GIPC2: variants seen among roughly 807,000 people sequenced by gnomAD.
GIPC2 encodes PDZ domain-containing protein GIPC2.
A neutral mutation model predicts 30.6 loss-of-function variants in GIPC2; 30 were observed. The ratio of observed to expected loss-of-function variants is 0.98; its 90% CI spans 0.73 to 1.33. The LOEUF is 1.33. Ranked by LOEUF, GIPC2 falls within the 40% of genes most tolerant of loss-of-function variation. The pLI, the probability that GIPC2 is intolerant of heterozygous loss-of-function variation, is 0.00. For missense variants in GIPC2, 414 were observed against 390.3 expected (o/e 1.06, Z -0.51); for synonymous variants, 167 against 150.0 (o/e 1.11, Z -0.83).
intron 3 of GIPC2, among the ~76,000 whole-genome samples, chr1:78,107,146 CT>C (rs1335621309): frequency 1.3e-5 from 2 of 149,646 alleles, no homozygotes; most frequent in Admixed American, 6.7e-5. Flanking sequence ...CCTTCCCTCT[CT>C]CCCTTGCTCT....
At chr1:78,132,665 ATGTG>A (rs61463492) in intron 5 of GIPC2, among the ~76,000 whole-genome samples, 102 of 142,712 alleles carry the variant, frequency 7.1e-4, no homozygotes, top group Admixed American at 1.7e-3. Context: ...ATAGCCAAGG[ATGTG>A]TGTGTGTGTG....
At chr1:78,054,115 T>G (rs1370856017) in intron 1 of GIPC2, among the ~76,000 whole-genome samples, 4 of 152,234 alleles carry the variant, frequency 2.6e-5, no homozygotes, top group African/African-American at 9.6e-5. Context: ...TTTCTCATGC[T>G]GTTCTTTGTT....
At chr1:78,112,337 G>A (rs1662480470) in intron 3 of GIPC2, among the ~76,000 whole-genome samples, 1 of 152,130 alleles carries the variant, frequency 6.6e-6, no homozygotes, top group South Asian at 2.1e-4. Context: ...GGCTTCACAT[G>A]TGCTCCAAGG....
intron 3 of GIPC2, among the ~76,000 whole-genome samples, chr1:78,108,553 A>G (rs1223008652): frequency 3.3e-5 from 5 of 152,194 alleles, no homozygotes; most frequent in Admixed American, 6.5e-5. Flanking sequence ...TGGCATCAGT[A>G]TATGCCTCCT....
intron 3 of GIPC2, among the ~76,000 whole-genome samples, chr1:78,109,850 T>C (rs1571515371): frequency 6.6e-6 from 1 of 152,200 alleles, no homozygotes; most frequent in Non-Finnish European, 1.5e-5. Context: ...TGGAATACTA[T>C]GCAGCCATAA....
rs769212016 is a variant in GIPC2, at chr1:78,095,080, A to G, written c.555A>G (p.Leu185=). The part of the protein sequence containing the change: ...HYDVAKKLKE[L]KKEELFTMKL... The stretch of plus-strand genomic sequence containing the variant: ...ATGTTGCTAAGAAGTTAAAGGAATT[A>G]AAAAAGGAGGAACTCTTTACTATGA... Residue 185 remains leucine (L), a synonymous_variant, in exon 3 of 6, where the codon TTA becomes TTG. Transcript: ENST00000370759. The G allele has an allele frequency of 4.3e-6, 7 of 1,612,268 alleles. No homozygotes were observed.
At chr1:78,127,601 A>G (rs1056468242) in intron 5 of GIPC2, among the ~76,000 whole-genome samples, 1 of 152,236 alleles carries the variant, frequency 6.6e-6, no homozygotes, top group African/African-American at 2.4e-5. Flanking sequence ...TGTTAGGCCT[A>G]GTATAGGAGC....
In GIPC2 at chr1:78,138,399, A is replaced by G. The variant is rs1663044799; in HGVS notation, c.*2656A>G. The stretch of plus-strand genomic sequence containing the variant: ...TTTTTCAAATGATGTATAATTTGCA[A>G]TATTTTCCCTTGCAACTTTAGCAAA... On this transcript the variant is annotated 3_prime_UTR_variant, in exon 6 of 6. Coordinates refer to ENST00000370759, the MANE Select transcript of GIPC2 (RefSeq NM_017655.6). 3 of 152,234 alleles carry G rather than the reference A, an allele frequency of 2.0e-5. No homozygotes were observed. The highest frequency in any genetic ancestry group is 2.1e-4 in the South Asian group (1 of 4,836). 9.4% of individuals were successfully genotyped at this position (152,234 alleles called of 1,614,324 possible).
intron 3 of GIPC2, among the ~76,000 whole-genome samples, chr1:78,114,766 AAC>A (rs1291867327): frequency 6.6e-6 from 1 of 152,218 alleles, no homozygotes; most frequent in Non-Finnish European, 1.5e-5. Context: ...TAGAATGTGT[AAC>A]ACCAAGAGTG....
At chr1:78,091,903 A>G (rs1315341017) in intron 2 of GIPC2, 2 of 803,750 alleles carry the variant, frequency 2.5e-6, no homozygotes, top group Non-Finnish European at 4.5e-6. Flanking sequence ...AAGCTACAAC[A>G]TTTTCCATTT....
At chr1:78,115,165 T>A (rs1292533302) in intron 3 of GIPC2, among the ~76,000 whole-genome samples, 1 of 151,504 alleles carries the variant, frequency 6.6e-6, no homozygotes, top group East Asian at 1.9e-4. Context: ...CCCAGAAACC[T>A]TTTTATTTTT....
rs1406652048 is a variant in GIPC2 at position 78,119,417 on chromosome 1, G to C, written c.632G>C (p.Gly211Ala). The C allele has an allele frequency of 6.2e-7, 1 of 1,610,192 alleles. No homozygotes were observed. The highest frequency in any genetic ancestry group is 2.2e-5 in the East Asian group (1 of 44,822). The change falls in exon 4 of 6, where the codon GGA (glycine) becomes GCA (alanine). Residue 211 changes from glycine to alanine, a missense_variant. Gly to Ala is a moderately conservative substitution (Grantham distance 60). Transcript: ENST00000370759. Reference protein sequence around the residue: ...AFEIELRSKAGKSSGEKIGCG... With the variant: ...AFEIELRSKAAKSSGEKIGCG... Reference sequence around the variant, plus strand: ...GAAATAGAGCTGAGGTCAAAGGCTGGAAAGTCATCAGGAGAAAAAATTGGT... The same window carrying C: ...GAAATAGAGCTGAGGTCAAAGGCTGCAAAGTCATCAGGAGAAAAAATTGGT...
intron 3 of GIPC2, among the ~76,000 whole-genome samples, chr1:78,103,375 C>G (rs1005598003): frequency 6.6e-6 from 1 of 152,188 alleles, no homozygotes; most frequent in African/African-American, 2.4e-5. Context: ...TTTAACCCCT[C>G]TATAAGCCTG....
At chr1:78,055,963 C>T (rs1661287795) in intron 1 of GIPC2, among the ~76,000 whole-genome samples, 1 of 152,164 alleles carries the variant, frequency 6.6e-6, no homozygotes, top group South Asian at 2.1e-4. Flanking sequence ...TTCTCTTTAT[C>T]TGGAAATCTC....
rs773102945 is a variant in GIPC2 at position 78,119,491 on chromosome 1, G to T, written c.706G>T (p.Glu236Ter). ...RLRSKGPATV[E>*]EMPSETKAKA... ...GAGATCAAAAGGTCCTGCCACCGTG[G>T]AAGAAATGGTATGTTATGTTCATTT... Residue 236 changes from glutamate (E) to a stop codon, truncating the protein, a stop_gained, in exon 4 of 6, where the codon GAA becomes TAA. Transcript: ENST00000370759. LOFTEE classifies it high-confidence loss of function. 1 of 1,593,196 alleles carries T rather than the reference G, an allele frequency of 6.3e-7. No individual in the cohort carries two copies. Among genetic ancestry groups the T allele is most frequent in the South Asian group, 1.1e-5 (1 of 90,512 alleles).
rs3057089 is a variant in GIPC2 at position 78,133,750 on chromosome 1, TTGTGTGTGTGTGTGTG to T, written c.797-1818_797-1803del. Among the ~76,000 whole-genome samples the T allele has an allele frequency of 3.4e-4, 49 of 146,012 alleles. No individual in the cohort carries two copies. In the East Asian group the frequency reaches 4.9e-3, roughly 15 times the overall value. On this transcript the variant is annotated intron_variant, in intron 5 of 5. Transcript: ENST00000370759. ...CATTGGTTACACAAGGAAAAAAAAATTGTGTGTGTGTGTGTGTGTGTGTGTGTGTGTGTGTGTGTAT... is the reference window on the plus strand; with the variant it reads ...CATTGGTTACACAAGGAAAAAAAAATTGTGTGTGTGTGTGTGTGTGTGTAT...
intron 1 of GIPC2, among the ~76,000 whole-genome samples, chr1:78,050,049 A>G (rs1417687272): frequency 9.2e-5 from 14 of 152,034 alleles, no homozygotes. Context: ...GGCACACGCC[A>G]TCATGCCTGG....
chr1:78,114,068 G>A (rs1662522906), intron 3 of GIPC2, among the ~76,000 whole-genome samples: 1 of 152,154 alleles, frequency 6.6e-6, no homozygotes, highest in South Asian at 2.1e-4. Flanking sequence ...TAGGCTATGT[G>A]CAACTCCACT....
At position 78,135,617 on chromosome 1, in the gene GIPC2, G is replaced by C. The variant is rs748781631; in HGVS notation, c.822G>C (p.Lys274Asn). ...DLATTMFEAG[K>N]DKVNPDEFAV... is the part of the protein sequence containing the mutation. ...CCACCACAATGTTTGAAGCTGGAAA[G>C]GACAAAGTAAATCCAGATGAATTTG... The change falls in exon 6 of 6, where the codon AAG becomes AAC. Residue 274 changes from lysine (K) to asparagine (N), a missense_variant. By Grantham distance (94) the Lys-to-Asn change is moderately conservative. Coordinates refer to ENST00000370759, the MANE Select transcript of GIPC2 (RefSeq NM_017655.6). The C allele has an allele frequency of 6.3e-7, 1 of 1,594,894 alleles. No individual in the cohort carries two copies.
Sources: gnomAD v4.1 joint callset for allele counts (sites outside exome capture counted in the v4.1 genomes callset) on GRCh38, gnomAD v4.1.1 for gene constraint, MANE v1.5 for transcripts, NCBI Gene and HGNC (gene_info 2026-07-23, HGNC 2026-07-21) for gene names.